The following DOP1B variants were observed in gnomAD, a reference collection of about 807,000 sequenced individuals.
The protein encoded by DOP1B is DOP1 leucine zipper like protein B.
In DOP1B, 174 loss-of-function variants were observed where a neutral mutation model predicts 233.5. The ratio of observed to expected loss-of-function variants is 0.75; its 90% CI spans 0.66 to 0.85. The LOEUF is 0.85. Ranked by LOEUF, DOP1B falls within the 40% of genes least tolerant of loss-of-function variation. The pLI, the probability that DOP1B is intolerant of heterozygous loss-of-function variation, is 0.00. For synonymous variants in DOP1B, 1,190 were observed against 1,185.6 expected, an observed-to-expected ratio of 1.00 and a Z score of -0.08; for missense variants, 2,652 against 2,846.6, an observed-to-expected ratio of 0.93 and a Z score of 1.56.
Position 36,208,749 on chromosome 21 carries a change from G to C in DOP1B, c.526G>C (p.Val176Leu), listed in dbSNP as rs2066458111. Residue 176 changes from valine (V) to leucine (L), a missense_variant, in exon 5 of 37, where the codon GTT becomes CTT. Around this residue, in one of 3 missense-constraint regions of DOP1B, gnomAD observed 2,617 missense variants for 2,794.3 expected, o/e 0.94. Coordinates refer to ENST00000691173, the MANE Select transcript of DOP1B (RefSeq NM_001320714.2). ...DALLLRLSLV[V>L]GKEVFYTALW... ...TCTGCTCCTGAGACTGTCGCTGGTGGTTGGCAAAGAGGTGTTTTACACCGC... is the reference window on the plus strand; with the variant it reads ...TCTGCTCCTGAGACTGTCGCTGGTGCTTGGCAAAGAGGTGTTTTACACCGC... The C allele has an allele frequency of 6.2e-7, 1 of 1,613,544 alleles. No individual in the cohort carries two copies. The highest frequency in any genetic ancestry group is 1.3e-5 in the African/African-American group (1 of 74,896).
At chr21:36,260,462 A>C (rs1456238534) in intron 23 of DOP1B, among the ~76,000 whole-genome samples, 1 of 152,174 alleles carries the variant, frequency 6.6e-6, no homozygotes, top group Non-Finnish European at 1.5e-5. Context: ...ATCACTGTAG[A>C]AGTCTAAGGG....
intron 5 of DOP1B, among the ~76,000 whole-genome samples, chr21:36,210,650 C>T (rs1289614525): frequency 6.6e-6 from 1 of 150,686 alleles, no homozygotes; most frequent in African/African-American, 2.4e-5. Flanking sequence ...GTCTGAAAAA[C>T]AAACAAAAAA....
intron 2 of DOP1B, among the ~76,000 whole-genome samples, chr21:36,178,586 G>C (rs2066058166): frequency 6.6e-6 from 1 of 152,196 alleles, no homozygotes; most frequent in East Asian, 1.9e-4. Flanking sequence ...AGAACTGGGA[G>C]AAGTAAATTT....
intron 21 of DOP1B, among the ~76,000 whole-genome samples, chr21:36,250,890 C>T (rs777679514): frequency 1.1e-4 from 16 of 152,158 alleles, no homozygotes; most frequent in Non-Finnish European, 1.9e-4. Context: ...CCTGGCCAAT[C>T]GAGCTGGCCA....
chr21:36,264,457 CT>C (rs992125161), intron 26 of DOP1B, among the ~76,000 whole-genome samples: 7 of 150,616 alleles, frequency 4.6e-5, no homozygotes, highest in African/African-American at 1.7e-4. Flanking sequence ...ATGGATATTT[CT>C]TTTTTTCTTT....
Position 36,214,174 on chromosome 21 carries a change from A to G in DOP1B, c.998A>G (p.Lys333Arg), listed in dbSNP as rs1486500166. The G allele has an allele frequency of 1.2e-6, 2 of 1,612,056 alleles. No individual in the cohort carries two copies. The highest frequency in any genetic ancestry group is 1.3e-5 in the African/African-American group (1 of 74,928). Residue 333 changes from lysine to arginine, a missense_variant, in exon 8 of 37, where the codon AAG (lysine) becomes AGG (arginine). Transcript: ENST00000691173. ...QSSYFFEKYS[K>R]DLLVEGLAEI... is the part of the protein sequence containing the mutation. ...TCTTATTTTTTTGAAAAATACTCCA[A>G]GGATCTTTTAGTTGAGGTAAAGGAG...
At chr21:36,263,237 C>CAA (rs34161973) in intron 24 of DOP1B, among the ~76,000 whole-genome samples, 27,428 of 102,558 alleles carry the variant, frequency 0.27, 3,822 homozygotes, top group East Asian at 0.6. Flanking sequence ...TCCGTCTCAC[C>CAA]AAAAAAAAAA....
intron 32 of DOP1B, among the ~76,000 whole-genome samples, chr21:36,287,764 T>G (rs1204565397): frequency 1.3e-5 from 2 of 151,828 alleles, no homozygotes; most frequent in Middle Eastern, 6.8e-3. Context: ...TTTTTGTATT[T>G]TTAGTAGAGA....
At chr21:36,210,658 A>C (rs1386790632) in intron 5 of DOP1B, among the ~76,000 whole-genome samples, 1 of 151,964 alleles carries the variant, frequency 6.6e-6, no homozygotes, top group Non-Finnish European at 1.5e-5. Context: ...AACAAACAAA[A>C]AAAATTAGCA....
chr21:36,215,684 T>A (rs2066550861), intron 9 of DOP1B, among the ~76,000 whole-genome samples: 1 of 145,322 alleles, frequency 6.9e-6, no homozygotes, highest in African/African-American at 2.5e-5. Context: ...GGATTACAGG[T>A]GTGAGCCACT....
intron 2 of DOP1B, among the ~76,000 whole-genome samples, chr21:36,198,430 CAA>C (rs374202097): frequency 2.3e-5 from 3 of 130,442 alleles, no homozygotes; most frequent in Non-Finnish European, 1.7e-5. Flanking sequence ...CTGCATCTCA[CAA>C]AAAAAAAAAA....
intron 12 of DOP1B, among the ~76,000 whole-genome samples, chr21:36,226,022 T>G (rs1201402596): frequency 6.6e-6 from 1 of 152,208 alleles, no homozygotes. Context: ...AGGAAACTAA[T>G]TTCCTTAATG....
At chr21:36,235,867 G>C (rs1039095396) in intron 15 of DOP1B, among the ~76,000 whole-genome samples, 7 of 147,834 alleles carry the variant, frequency 4.7e-5, no homozygotes, top group Non-Finnish European at 9.0e-5. Flanking sequence ...GGAAGTCGGG[G>C]GGGGGGCGGT....
At chr21:36,283,103 C>T (rs1299775371) in intron 32 of DOP1B, among the ~76,000 whole-genome samples, 1 of 149,932 alleles carries the variant, frequency 6.7e-6, no homozygotes, top group Non-Finnish European at 1.5e-5. Flanking sequence ...TCATTTTGAG[C>T]CAGGGTCTCC....
chr21:36,166,059 G>C (rs1027443493), intron 2 of DOP1B, among the ~76,000 whole-genome samples: 5 of 151,766 alleles, frequency 3.3e-5, no homozygotes, highest in African/African-American at 9.7e-5. Context: ...ATCTGAGGTG[G>C]TACAACAGCA....
intron 2 of DOP1B, among the ~76,000 whole-genome samples, chr21:36,178,197 A>C (rs2066053260): frequency 6.6e-6 from 1 of 152,202 alleles, no homozygotes; most frequent in African/African-American, 2.4e-5. Flanking sequence ...TGGCCTTATA[A>C]GAATAGGAGG....
Position 36,288,085 on chromosome 21 carries a change from G to A in DOP1B, c.6232G>A (p.Val2078Ile), listed in dbSNP as rs1379351877. The change falls in exon 33 of 37, where the codon GTT becomes ATT. Residue 2078 changes from valine to isoleucine, a missense_variant. Transcript: ENST00000691173. ...TGCTCAGATGTTTCTTTTTTTCAGA[G>A]TTTTGCTGCTAAGAATATCTCCTCA... is the stretch of plus-strand genomic sequence containing the variant. ...VAAQMFLFFR[V>I]LLLRISPQHL... is the part of the protein sequence containing the mutation. The A allele has an allele frequency of 1.9e-6, 3 of 1,613,814 alleles. No individual in the cohort carries two copies. The highest frequency in any genetic ancestry group is 2.5e-6 in the Non-Finnish European group (3 of 1,179,950).
At chr21:36,257,607 TA>T (rs1286841378) in intron 23 of DOP1B, among the ~76,000 whole-genome samples, 1 of 91,546 alleles carries the variant, frequency 1.1e-5, no homozygotes, top group Non-Finnish European at 2.8e-5. Context: ...GATAGATAGA[TA>T]GATAGATAGA....
intron 26 of DOP1B, among the ~76,000 whole-genome samples, chr21:36,267,627 T>TTTC (rs1555898152): frequency 1.4e-5 from 2 of 145,370 alleles, no homozygotes; most frequent in East Asian, 3.9e-4. Flanking sequence ...CAGTGAGACT[T>TTTC]TTTTTTTTTT....
Sources: gnomAD v4.1 joint callset for allele counts (sites outside exome capture counted in the v4.1 genomes callset) on GRCh38, gnomAD v4.1.1 for gene constraint, gnomAD v4.1.1 regional missense constraint, MANE v1.5 for transcripts, NCBI Gene and HGNC (gene_info 2026-07-23, HGNC 2026-07-21) for gene names.